The following FKTN variants were observed in gnomAD, a reference collection of about 807,000 sequenced individuals.
FKTN encodes ribitol-5-phosphate transferase FKTN.
FKTN carries 47 observed loss-of-function variants against 58.6 expected under a neutral mutation model. The ratio of observed to expected loss-of-function variants is 0.80; its 90% CI spans 0.63 to 1.02. FKTN has a LOEUF of 1.02. FKTN is among the 50% of genes least tolerant of loss of function. FKTN has a pLI of 0.00. For synonymous variants in FKTN, 178 were observed against 191.9 expected (o/e 0.93, Z 0.60); for missense variants, 516 against 537.3 (o/e 0.96, Z 0.39).
At chr9:105,625,337 C>T (rs1832616772) in intron 10 of FKTN, among the ~76,000 whole-genome samples, 1 of 152,106 alleles carries the variant, frequency 6.6e-6, no homozygotes, top group Non-Finnish European at 1.5e-5. Context: ...ATTTGGTTGC[C>T]TCTAGGAAAA....
Position 105,638,087 on chromosome 9 carries a change from C to A in FKTN, c.*2823C>A. 2.1e-6 allele frequency: 2 copies of A among 971,872 alleles called. No homozygotes were observed. Among genetic ancestry groups the A allele is most frequent in the Non-Finnish European group, 2.4e-6 (2 of 817,634 alleles). 60.2% of individuals were successfully genotyped at this position (971,872 alleles called of 1,614,324 possible). A position where few individuals can be genotyped will look rare whatever the true frequency, so the allele number is the denominator to read the frequency against. ...CATAATGTAATATTCTTTTTAAACC[C>A]TCTTATTTTATAACTAAATAAATAA... On this transcript the variant is annotated 3_prime_UTR_variant, in exon 11 of 11. Transcript: ENST00000357998.
chr9:105,614,300 A>T (rs1830434397), intron 7 of FKTN, among the ~76,000 whole-genome samples: 1 of 152,222 alleles, frequency 6.6e-6, no homozygotes, highest in Non-Finnish European at 1.5e-5. Context: ...TTCAATCTTC[A>T]CAGCAGTCCT....
intron 4 of FKTN, among the ~76,000 whole-genome samples, chr9:105,599,543 G>A (rs531973773): frequency 1.4e-5 from 2 of 141,762 alleles, no homozygotes; most frequent in South Asian, 2.2e-4. Context: ...ATGTGATCTC[G>A]GCTCACTGCA....
Position 105,638,199 on chromosome 9 carries a change from A to G in FKTN, c.*2935A>G. The G allele has an allele frequency of 1.0e-6, 1 of 985,438 alleles. No individual in the cohort carries two copies. Among genetic ancestry groups the G allele is most frequent in the Non-Finnish European group, 1.2e-6 (1 of 829,924 alleles). The allele number at this position is 985,438 out of a possible 1,614,324, so 61.0% of individuals were successfully genotyped here. A position where few individuals can be genotyped will look rare whatever the true frequency, so the allele number is the denominator to read the frequency against. ...CCTAGTCCAATGTCTGTTTCGCATC[A>G]CAACACAGTATCTTTAACAGTGCTT... On this transcript the variant is annotated 3_prime_UTR_variant, in exon 11 of 11. Coordinates refer to ENST00000357998, the MANE Select transcript of FKTN (RefSeq NM_001079802.2).
chr9:105,620,104 A>G (rs761813807), intron 10 of FKTN, 43 bp downstream of exon 10: 1 of 1,529,332 alleles, frequency 6.5e-7, no homozygotes, highest in Non-Finnish European at 9.0e-7. Context: ...TACTACAGAA[A>G]TAATTTCAGG....
rs1385167613 is a variant in FKTN at position 105,640,051 on chromosome 9, A to G, written c.*4787A>G. ...CATTGTTAATAAAGGAGAATTGAAA[A>G]TACTCATTTCTACTTTCTGCCCTCA... On this transcript the variant is annotated 3_prime_UTR_variant, in exon 11 of 11. Coordinates refer to ENST00000357998, the MANE Select transcript of FKTN (RefSeq NM_001079802.2). 2 of 1,534,180 alleles carry G rather than the reference A, an allele frequency of 1.3e-6. No individual in the cohort carries two copies. Among genetic ancestry groups the G allele is most frequent in the African/African-American group, 1.4e-5 (1 of 73,124 alleles).
At chr9:105,589,169 A>G (rs1428492376) in intron 3 of FKTN, among the ~76,000 whole-genome samples, 1 of 152,190 alleles carries the variant, frequency 6.6e-6, no homozygotes, top group Non-Finnish European at 1.5e-5. Context: ...TTATTTTTGT[A>G]ACATTTGCAA....
chr9:105,593,674 A>T (rs1302396190), intron 3 of FKTN, among the ~76,000 whole-genome samples: 5 of 152,224 alleles, frequency 3.3e-5, no homozygotes, highest in African/African-American at 4.8e-5. Flanking sequence ...AAGTAGGAAG[A>T]ACTGACAAGT....
Position 105,566,761 on chromosome 9 carries a change from C to T in FKTN, c.-180-6894C>T, listed in dbSNP as rs554683708. ...TTCCTTCTGAAATTATTCCAATCAA[C>T]AGAAAAAGAGGGAATCCTCCCTAAC... is the stretch of plus-strand genomic sequence containing the variant. On this transcript the variant is annotated intron_variant, in intron 1 of 10. Coordinates refer to ENST00000357998, the MANE Select transcript of FKTN (RefSeq NM_001079802.2). 1.3e-3 allele frequency among the ~76,000 whole-genome samples: 194 copies of T among 152,234 alleles called. 1 individual carries two copies. The highest frequency in any genetic ancestry group is 3.4e-3 in the Middle Eastern group (1 of 294).
chr9:105,620,220 T>C (rs768813242), intron 10 of FKTN, 159 bp downstream of exon 10: 1 of 606,256 alleles, frequency 1.6e-6, no homozygotes, highest in Non-Finnish European at 2.9e-6. Context: ...GTTATGCCTG[T>C]GAAGTAAGAA....
intron 3 of FKTN, among the ~76,000 whole-genome samples, chr9:105,587,393 T>C (rs1458886410): frequency 3.9e-5 from 6 of 152,234 alleles, no homozygotes; most frequent in Admixed American, 2.0e-4. Context: ...TTATTAGAAA[T>C]GGAAATCAGT....
At chr9:105,583,351 TG>T (rs35296416) in intron 3 of FKTN, among the ~76,000 whole-genome samples, 7 of 152,318 alleles carry the variant, frequency 4.6e-5, no homozygotes, top group Admixed American at 4.6e-4. Context: ...AGTTATTAAG[TG>T]GGGGAGATGA....
At position 105,636,950 on chromosome 9, in the gene FKTN, T is replaced by G; in HGVS notation, c.*1686T>G. Reference sequence around the variant, plus strand: ...TTCTCAATGCAGAATTATTGGGTCTTTCATAAATAACATGAGTGGTTTCTG... The same window carrying G: ...TTCTCAATGCAGAATTATTGGGTCTGTCATAAATAACATGAGTGGTTTCTG... On this transcript the variant is annotated 3_prime_UTR_variant, in exon 11 of 11. Transcript: ENST00000357998. 9.6e-7 allele frequency: 1 copy of G among 1,038,446 alleles called. No individual in the cohort carries two copies. Among genetic ancestry groups the G allele is most frequent in the Non-Finnish European group, 1.2e-6 (1 of 854,754 alleles). 64.3% of individuals were successfully genotyped at this position (1,038,446 alleles called of 1,614,324 possible). A position where few individuals can be genotyped will look rare whatever the true frequency, so the allele number is the denominator to read the frequency against.
At position 105,636,811 on chromosome 9, in the gene FKTN, A is replaced by G. The variant is rs1330672646; in HGVS notation, c.*1547A>G. 31 of 1,222,304 alleles carry G rather than the reference A, an allele frequency of 2.5e-5. No homozygotes were observed. Among genetic ancestry groups the G allele is most frequent in the Non-Finnish European group, 3.3e-5 (31 of 938,194 alleles). The allele number at this position is 1,222,304 out of a possible 1,614,324, so 75.7% of individuals were successfully genotyped here. A position where few individuals can be genotyped will look rare whatever the true frequency, so the allele number is the denominator to read the frequency against. On this transcript the variant is annotated 3_prime_UTR_variant, in exon 11 of 11. Transcript: ENST00000357998. The stretch of plus-strand genomic sequence containing the variant: ...AATGTCTGAGGGAATGGGCTGGTAG[A>G]CTTTTTCGAAAACAAATTAGAGAAA...
rs371776972 is a variant in FKTN at position 105,620,008 on chromosome 9, A to C, written c.1119A>C (p.Glu373Asp). 4.3e-6 allele frequency: 7 copies of C among 1,613,078 alleles called. No individual in the cohort carries two copies. In the African/African-American group the frequency reaches 9.3e-5, roughly 22 times the overall value. ...TTGATGTTTTTTTCTTCTATGAAGA[A>C]ACTGATCACATGTGGAATGGAGGCA... ...VKLDVFFFYEETDHMWNGGTQ... is the reference protein window; with the variant it reads ...VKLDVFFFYEDTDHMWNGGTQ... The change falls in exon 10 of 11, where the codon GAA becomes GAC. Residue 373 changes from glutamate to aspartate, a missense_variant. Transcript: ENST00000357998.
At chr9:105,581,328 T>TGG (rs1645585900) in intron 3 of FKTN, among the ~76,000 whole-genome samples, 1 of 147,900 alleles carries the variant, frequency 6.8e-6, no homozygotes, top group African/African-American at 2.5e-5. Context: ...ATGATGGTGA[T>TGG]GTACAGATGG....
At chr9:105,600,223 T>G (rs998452779) in intron 4 of FKTN, among the ~76,000 whole-genome samples, 4 of 152,178 alleles carry the variant, frequency 2.6e-5, no homozygotes, top group Admixed American at 6.5e-5. Context: ...TGAGACTGAT[T>G]CTTAGCTTTA....
chr9:105,617,678 CA>C (rs1422046910), intron 8 of FKTN, among the ~76,000 whole-genome samples: 1 of 147,176 alleles, frequency 6.8e-6, no homozygotes, highest in African/African-American at 2.7e-5. Flanking sequence ...ACTGCTCAAA[CA>C]AAGTCATTTA....
rs534366259 is a variant in FKTN at position 105,620,244 on chromosome 9, G to A, written c.1172+183G>A. The A allele has an allele frequency of 3.1e-4, 162 of 524,558 alleles. 1 individual carries two copies. Among genetic ancestry groups the A allele is most frequent in the African/African-American group, 2.3e-3 (120 of 52,016 alleles). The allele number at this position is 524,558 out of a possible 1,614,324, so 32.5% of individuals were successfully genotyped here. A position where few individuals can be genotyped will look rare whatever the true frequency, so the allele number is the denominator to read the frequency against. On this transcript the variant is annotated intron_variant, in intron 10 of 10. Coordinates refer to ENST00000357998, the MANE Select transcript of FKTN (RefSeq NM_001079802.2). The stretch of plus-strand genomic sequence containing the variant: ...GTGAAGTAAGAATACCTGTAAGGAC[G>A]GTTTGTGAGGAGGAAGTGTCCCTGG...
Sources: gnomAD v4.1 joint callset for allele counts (sites outside exome capture counted in the v4.1 genomes callset) on GRCh38, gnomAD v4.1.1 for gene constraint, MANE v1.5 for transcripts, NCBI Gene and HGNC (gene_info 2026-07-23, HGNC 2026-07-21) for gene names.